DNAH7: variants seen among roughly 807,000 people sequenced by gnomAD.
DNAH7 encodes dynein axonemal heavy chain 7.
DNAH7 carries 397 observed loss-of-function variants against 444.6 expected under a neutral mutation model. The observed-to-expected ratio is 0.89, with a 90% CI of 0.82 to 0.97. The LOEUF (loss-of-function observed/expected upper bound fraction) is 0.97, where lower values mean the gene tolerates loss of function less well. Ranked by LOEUF, DNAH7 falls within the 50% of genes least tolerant of loss-of-function variation. The pLI is 0.00. For missense variants in DNAH7, 4,902 were observed against 4,800.8 expected, an observed-to-expected ratio of 1.02 and a Z score of -0.62; for synonymous variants, 1,636 against 1,624.4, an observed-to-expected ratio of 1.01 and a Z score of -0.17.
Position 195,808,817 on chromosome 2 carries a change from A to G in DNAH7, c.9948T>C (p.Tyr3316=). ...LTGGIGLDNP[Y]ANLCTWLPQK... ...GAGGAAGCCATGTACAAAGGTTGGC[A>G]TAAGGATTATCCAGTCCAATGCCAC... The change falls in exon 53 of 65, where the codon TAT becomes TAC. Residue 3316 remains tyrosine (Y), a synonymous_variant. Transcript: ENST00000312428. 6.2e-7 allele frequency: 1 copy of G among 1,614,028 alleles called. No homozygotes were observed. The highest frequency in any genetic ancestry group is 8.5e-7 in the Non-Finnish European group (1 of 1,179,932).
At chr2:195,888,565 G>C in intron 32 of DNAH7, 131 bp from the exon 33 acceptor site, 1 of 1,061,594 alleles carries the variant, frequency 9.4e-7, no homozygotes, top group South Asian at 1.9e-5. Flanking sequence ...ATAATTTCAT[G>C]ATGTCGATTT....
intron 15 of DNAH7, among the ~76,000 whole-genome samples, chr2:195,979,135 T>A (rs188649614): frequency 1.1e-3 from 162 of 152,266 alleles, no homozygotes; most frequent in Admixed American, 2.6e-3. Flanking sequence ...CTAATAGATA[T>A]TTACAGAACA....
chr2:195,986,051 C>G (rs1044748952), intron 14 of DNAH7, among the ~76,000 whole-genome samples: 2 of 152,192 alleles, frequency 1.3e-5, no homozygotes, highest in Non-Finnish European at 2.9e-5. Flanking sequence ...TTTACCCACA[C>G]TGTACACCTG....
chr2:195,936,052 G>A (rs1319427241), intron 20 of DNAH7, among the ~76,000 whole-genome samples: 1 of 152,148 alleles, frequency 6.6e-6, no homozygotes, highest in Admixed American at 6.6e-5. Context: ...AAAGAGCTGT[G>A]TTCTGAAAAA....
At chr2:195,993,708 T>C (rs1038957776) in intron 12 of DNAH7, among the ~76,000 whole-genome samples, 1 of 152,228 alleles carries the variant, frequency 6.6e-6, no homozygotes, top group African/African-American at 2.4e-5. Flanking sequence ...TTAAATTGAA[T>C]TTAAATATTT....
chr2:196,062,062 C>T (rs1438523418), intron 1 of DNAH7, among the ~76,000 whole-genome samples: 1 of 152,150 alleles, frequency 6.6e-6, no homozygotes, highest in Non-Finnish European at 1.5e-5. Context: ...CATGGCAACC[C>T]CTCTAAGATC....
chr2:195,785,900 T>C (rs1381964666), intron 58 of DNAH7, among the ~76,000 whole-genome samples: 1 of 152,216 alleles, frequency 6.6e-6, no homozygotes, highest in African/African-American at 2.4e-5. Flanking sequence ...CCTCAGGCAC[T>C]GTATCACTGC....
chr2:195,988,197 G>T lies in DNAH7; in HGVS notation c.1386C>A (p.Pro462=). 1 of 1,611,600 alleles carries T rather than the reference G, an allele frequency of 6.2e-7. No individual in the cohort carries two copies. The highest frequency in any genetic ancestry group is 1.1e-5 in the South Asian group (1 of 90,130). Residue 462 remains proline, a synonymous_variant, in exon 13 of 65, where the codon CCC becomes CCA. Coordinates refer to ENST00000312428, the MANE Select transcript of DNAH7 (RefSeq NM_018897.3). ...ESKSKPTTLK[P]IILNEIVDAH... ...CATCTACAATTTCATTCAGAATTAT[G>T]GGCTTCAAGGTTGTTGGTTTAGACT...
chr2:195,786,217 T>C (rs531903229), intron 58 of DNAH7, among the ~76,000 whole-genome samples: 1 of 152,324 alleles, frequency 6.6e-6, no homozygotes, highest in African/African-American at 2.4e-5. Context: ...AAGTCATAAT[T>C]TACTAAGTTT....
chr2:195,919,207 G>T (rs1485292327), intron 24 of DNAH7, among the ~76,000 whole-genome samples: 1 of 147,098 alleles, frequency 6.8e-6, no homozygotes, highest in Non-Finnish European at 1.5e-5. Context: ...CTGAGATCAC[G>T]CAGCCTGGAG....
intron 38 of DNAH7, among the ~76,000 whole-genome samples, chr2:195,874,174 C>A (rs915574430): frequency 6.6e-6 from 1 of 152,140 alleles, no homozygotes; most frequent in African/African-American, 2.4e-5. Flanking sequence ...CATCTTGAAG[C>A]GAATTTACCC....
chr2:195,755,658 T>C (rs1343728622), intron 62 of DNAH7, among the ~76,000 whole-genome samples: 1 of 152,178 alleles, frequency 6.6e-6, no homozygotes, highest in African/African-American at 2.4e-5. Context: ...TTCTAATAGG[T>C]AGAGTTGTTA....
intron 57 of DNAH7, among the ~76,000 whole-genome samples, chr2:195,788,795 T>C (rs1695742080): frequency 6.6e-6 from 1 of 152,210 alleles, no homozygotes; most frequent in African/African-American, 2.4e-5. Flanking sequence ...GAGGTATTAG[T>C]ATGAATTCAT....
chr2:195,913,413 CG>C (rs1223320121), intron 24 of DNAH7, among the ~76,000 whole-genome samples: 3 of 151,780 alleles, frequency 2.0e-5, no homozygotes, highest in Non-Finnish European at 4.4e-5. Context: ...ACGTTATATC[CG>C]TATCAAATGA....
chr2:196,039,023 A>C (rs1696564939), intron 5 of DNAH7, among the ~76,000 whole-genome samples: 1 of 152,236 alleles, frequency 6.6e-6, no homozygotes, highest in Non-Finnish European at 1.5e-5. Context: ...ACTGTAGACC[A>C]AATGGACCTA....
chr2:195,958,021 G>T (rs964948434), intron 18 of DNAH7, among the ~76,000 whole-genome samples: 1 of 151,822 alleles, frequency 6.6e-6, no homozygotes, highest in South Asian at 2.1e-4. Context: ...GCTCATAAAG[G>T]CTTTATTTCT....
At chr2:195,927,395 A>T (rs1688402604) in intron 21 of DNAH7, among the ~76,000 whole-genome samples, 1 of 152,156 alleles carries the variant, frequency 6.6e-6, no homozygotes, top group Non-Finnish European at 1.5e-5. Context: ...TATAGAATGG[A>T]ACAATGATAA....
intron 19 of DNAH7, among the ~76,000 whole-genome samples, chr2:195,939,444 G>A (rs1358204897): frequency 1.3e-5 from 2 of 151,990 alleles, no homozygotes; most frequent in Non-Finnish European, 2.9e-5. Flanking sequence ...ACTGCACTTG[G>A]GCTCATACAG....
chr2:195,858,857 G>A, intron 42 of DNAH7, 53 bp from the exon 43 acceptor site: 2 of 1,466,542 alleles, frequency 1.4e-6, no homozygotes, highest in East Asian at 2.3e-5. Context: ...TATCCTACAT[G>A]AAGGAAAAAC....
Sources: gnomAD v4.1 joint callset for allele counts (sites outside exome capture counted in the v4.1 genomes callset) on GRCh38, gnomAD v4.1.1 for gene constraint, MANE v1.5 for transcripts, NCBI Gene and HGNC (gene_info 2026-07-23, HGNC 2026-07-21) for gene names.